EPG5: variants seen among roughly 807,000 people sequenced by gnomAD.
EPG5 encodes ectopic P-granules 5 autophagy tethering factor.
EPG5 carries 159 observed loss-of-function variants against 302.7 expected under a neutral mutation model. The ratio of observed to expected loss-of-function variants is 0.53; its 90% CI spans 0.46 to 0.60. EPG5 has a LOEUF of 0.60. Ranked by LOEUF, EPG5 falls within the 20% of genes least tolerant of loss-of-function variation. EPG5 has a pLI of 0.00. For missense variants in EPG5, 2,896 were observed against 3,092.4 expected (o/e 0.94, Z 1.51); for synonymous variants, 1,158 against 1,136.8 (o/e 1.02, Z -0.37).
At chr18:45,943,585 A>C (rs1391566585) in intron 8 of EPG5, among the ~76,000 whole-genome samples, 1 of 152,198 alleles carries the variant, frequency 6.6e-6, no homozygotes, top group African/African-American at 2.4e-5. Context: ...AGAGGAGCCT[A>C]GAACAGCTAG....
At chr18:45,893,869 T>C (rs1427704177) in intron 27 of EPG5, among the ~76,000 whole-genome samples, 1 of 152,230 alleles carries the variant, frequency 6.6e-6, no homozygotes, top group Non-Finnish European at 1.5e-5. Flanking sequence ...ATTTCCATGA[T>C]GTCTGTCATG....
chr18:45,865,783 T>C, intron 38 of EPG5, 24 bp from the exon 39 acceptor site: 1 of 1,416,398 alleles, frequency 7.1e-7, no homozygotes, highest in Non-Finnish European at 9.8e-7. Flanking sequence ...AAAAAAAAAA[T>C]CATTCAAATG....
chr18:45,911,078 T>TACACACACACACACACAC (rs34212851), intron 22 of EPG5, among the ~76,000 whole-genome samples: 2 of 135,332 alleles, frequency 1.5e-5, no homozygotes, highest in African/African-American at 5.6e-5. Context: ...TATCTATCTA[T>TACACACACACACACACAC]ACACACACAC....
intron 1 of EPG5, among the ~76,000 whole-genome samples, chr18:45,958,302 T>A (rs1024525476): frequency 9.2e-5 from 14 of 152,168 alleles, no homozygotes; most frequent in African/African-American, 3.4e-4. Flanking sequence ...CCTAGCTACC[T>A]TTTTTTGCAG....
rs190483659 is a variant in EPG5, at chr18:45,850,871, C to T, written c.*1596G>A. On this transcript the variant is annotated 3_prime_UTR_variant, in exon 44 of 44. Transcript: ENST00000282041. ...AATTGTCCACAGCTTCTCAAATTTT[C>T]TTATACAGAGAACAAGATGATTAAT... 4 of 152,738 alleles carry T rather than the reference C, an allele frequency of 2.6e-5. No individual in the cohort carries two copies. The highest frequency in any genetic ancestry group is 9.6e-5 in the African/African-American group (4 of 41,574). The allele number at this position is 152,738 out of a possible 1,614,324, so 9.5% of individuals were successfully genotyped here.
chr18:45,923,425 G>T lies in EPG5; in HGVS notation c.2719-38C>A, dbSNP rs377193468. Reference sequence around the variant, plus strand: ...AAAATAATCACAAACATACAACCTTGGTTTTGTTTTGTTTTTGTACCTTTG... The same window carrying T: ...AAAATAATCACAAACATACAACCTTTGTTTTGTTTTGTTTTTGTACCTTTG... On this transcript the variant is annotated intron_variant, in intron 14 of 43. Coordinates refer to ENST00000282041, the MANE Select transcript of EPG5 (RefSeq NM_020964.3). The T allele has an allele frequency of 4.0e-5, 63 of 1,593,442 alleles. No individual in the cohort carries two copies. In the African/African-American group the frequency reaches 7.6e-4, roughly 19 times the overall value.
chr18:45,955,848 C>T (rs1207916717), intron 1 of EPG5, among the ~76,000 whole-genome samples: 2 of 152,098 alleles, frequency 1.3e-5, no homozygotes, highest in Non-Finnish European at 2.9e-5. Context: ...TGAATAAATA[C>T]ATAAATAAAA....
At chr18:45,896,370 G>A (rs1183873099) in intron 27 of EPG5, among the ~76,000 whole-genome samples, 1 of 152,166 alleles carries the variant, frequency 6.6e-6, no homozygotes. Context: ...AACGAGTGAG[G>A]CCAGCAGAAA....
At chr18:45,962,655 T>A (rs558957927) in intron 1 of EPG5, among the ~76,000 whole-genome samples, 1 of 152,316 alleles carries the variant, frequency 6.6e-6, no homozygotes, top group Admixed American at 6.5e-5. Context: ...GTAGGTCAGC[T>A]GCTGGGTGAA....
intron 1 of EPG5, among the ~76,000 whole-genome samples, chr18:45,961,244 A>C (rs2051141496): frequency 6.6e-6 from 1 of 152,188 alleles, no homozygotes; most frequent in East Asian, 1.9e-4. Context: ...AGTCACAGTG[A>C]TTCTTTAAAG....
the EPG5 span, chr18:45,837,696 G>A: frequency 2.0e-6 from 3 of 1,476,046 alleles, no homozygotes; most frequent in East Asian, 2.8e-5. Context: ...GCTGCGGCGC[G>A]GGGCAGCGAG....
At chr18:45,843,136 A>C (rs2048338961), downstream of EPG5, 1 of 152,250 alleles carries the variant, frequency 6.6e-6, no homozygotes, top group African/African-American at 2.4e-5. Flanking sequence ...GGGAGACCTG[A>C]GGGGAGGTCT....
chr18:45,829,251 T>G, the EPG5 span: 1 of 725,468 alleles, frequency 1.4e-6, no homozygotes, highest in South Asian at 6.2e-5. Flanking sequence ...GGAAGCCAGA[T>G]AACCCTGAAG....
intron 31 of EPG5, 120 bp downstream of exon 31, chr18:45,882,147 AATTAGTG>A: frequency 1.2e-6 from 1 of 828,804 alleles, no homozygotes; most frequent in South Asian, 1.9e-5. Context: ...TTTAGATGAC[AATTAGTG>A]ATTCTAAACT....
Position 45,916,453 on chromosome 18 carries a change from G to C in EPG5, c.3369C>G (p.Leu1123=). The stretch of plus-strand genomic sequence containing the variant: ...AGGCCCTCACCTGGATCATGCTGTT[G>C]AGAAGCTTCACGTTGTCCCCATGGC... The part of the protein sequence containing the change: ...GASHGDNVKL[L]NSMIQAHISV... Residue 1123 remains leucine (L), a synonymous_variant, in exon 18 of 44, where the codon CTC becomes CTG. Transcript: ENST00000282041. 1 of 1,612,800 alleles carries C rather than the reference G, an allele frequency of 6.2e-7. No homozygotes were observed. The highest frequency in any genetic ancestry group is 1.1e-5 in the South Asian group (1 of 91,046).
Position 45,952,642 on chromosome 18 carries a change from C to A in EPG5, c.1010G>T (p.Gly337Val), listed in dbSNP as rs2050938203. Reference protein sequence around the residue: ...QFKEEQMSVQGICADQVKVFS... With the variant: ...QFKEEQMSVQVICADQVKVFS... ...AACTTTCACTTGATCTGCACAGATA[C>A]CCTACCAGAGGACAAAAAGGTACAA... Residue 337 changes from glycine to valine, a missense_variant and splice_region_variant, in exon 3 of 44, where the codon GGT becomes GTT. This residue lies in a region of EPG5 where 1,390 missense variants were observed against 1,430.0 expected (regional missense o/e 0.97). Coordinates refer to ENST00000282041, the MANE Select transcript of EPG5 (RefSeq NM_020964.3). 6.8e-6 allele frequency: 11 copies of A among 1,613,616 alleles called. No individual in the cohort carries two copies. The highest frequency in any genetic ancestry group is 9.3e-6 in the Non-Finnish European group (11 of 1,179,640).
chr18:45,917,435 T>C (rs1043105274), intron 17 of EPG5, among the ~76,000 whole-genome samples: 2 of 152,260 alleles, frequency 1.3e-5, no homozygotes, highest in Non-Finnish European at 2.9e-5. Context: ...TAAGCTTTAA[T>C]AAGCAATTCA....
chr18:45,802,371 T>G, the EPG5 span, among the ~76,000 whole-genome samples: 7 of 152,022 alleles, frequency 4.6e-5, no homozygotes, highest in Non-Finnish European at 8.8e-5. Context: ...AATACAAAAA[T>G]TAGCCGGGCA....
chr18:45,956,693 A>G (rs1001675949), intron 1 of EPG5, among the ~76,000 whole-genome samples: 1 of 152,072 alleles, frequency 6.6e-6, no homozygotes. Context: ...TCAGCCTCCC[A>G]AAGTGCTGGG....
Sources: allele counts gnomAD v4.1 joint callset (sites outside exome capture counted in the v4.1 genomes callset), GRCh38; gene constraint gnomAD v4.1.1; regional missense constraint gnomAD v4.1.1; transcripts MANE v1.5; gene names NCBI Gene and HGNC (gene_info 2026-07-23, HGNC 2026-07-21).